The following KIF3A variants were observed in gnomAD, a reference collection of about 807,000 sequenced individuals.
KIF3A encodes kinesin family member 3A.
In KIF3A, 27 loss-of-function variants were observed where a neutral mutation model predicts 92.6. The observed-to-expected ratio is 0.29, with a 90% CI of 0.21 to 0.40. The LOEUF (loss-of-function observed/expected upper bound fraction) is 0.40, where lower values mean the gene tolerates loss of function less well. KIF3A is among the 10% of genes least tolerant of loss of function. The pLI, the probability that KIF3A is intolerant of heterozygous loss-of-function variation, is 1.00. For synonymous variants in KIF3A, 250 were observed against 275.4 expected (o/e 0.91, Z 0.92); for missense variants, 581 against 872.6 (o/e 0.67, Z 4.21).
At chr5:132,708,281 C>CA (rs58058674) in intron 10 of KIF3A, among the ~76,000 whole-genome samples, 2,068 of 65,788 alleles carry the variant, frequency 0.031, 61 homozygotes, top group African/African-American at 0.071. Context: ...GACTCCGTCT[C>CA]AAAAAAAAAA....
chr5:132,726,785 T>C (rs1467141029), intron 2 of KIF3A, among the ~76,000 whole-genome samples: 2 of 152,202 alleles, frequency 1.3e-5, no homozygotes, highest in African/African-American at 2.4e-5. Flanking sequence ...AGACATTTCT[T>C]GTCATGTGTA....
chr5:132,700,230 T>G lies in KIF3A; in HGVS notation c.1993A>C (p.Lys665Gln). The change falls in exon 17 of 19, where the codon AAA becomes CAA. Residue 665 changes from lysine to glutamine, a missense_variant. By Grantham distance (53) the Lys-to-Gln change is moderately conservative (BLOSUM62 1). Transcript: ENST00000403231. ...AGTACTCTTACATCTTTCTCCTTTTTATCAGGTACTGGGGTTTGCTTCCTC... is the reference window on the plus strand; with the variant it reads ...AGTACTCTTACATCTTTCTCCTTTTGATCAGGTACTGGGGTTTGCTTCCTC... ...NMRKQTPVPD[K>Q]KEKDPFEVDL... The G allele has an allele frequency of 6.3e-7, 1 of 1,585,430 alleles. No homozygotes were observed. Among genetic ancestry groups the G allele is most frequent in the East Asian group, 2.2e-5 (1 of 44,764 alleles).
In KIF3A at chr5:132,696,629, A is replaced by AG; in HGVS notation, c.*4_*5insC. On this transcript the variant is annotated 3_prime_UTR_variant, in exon 19 of 19. Coordinates refer to ENST00000403231, the MANE Select transcript of KIF3A (RefSeq NM_001300791.2). ...ATTTTTATTGTGACTTTAAGTCTGT[A>AG]ACATTTACTGCAGTAAAGAGTCAAT... is the stretch of plus-strand genomic sequence containing the variant. The AG allele has an allele frequency of 6.3e-7, 1 of 1,585,968 alleles. No homozygotes were observed.
intron 15 of KIF3A, 32 bp downstream of exon 15, chr5:132,702,055 C>T (rs758286966): frequency 5.1e-6 from 8 of 1,581,698 alleles, no homozygotes; most frequent in Non-Finnish European, 6.9e-6. Context: ...CCCAGTCAAG[C>T]GACTATCTCG....
chr5:132,699,017 C>T (rs544646968), intron 18 of KIF3A, among the ~76,000 whole-genome samples, 154 bp downstream of exon 18: 190 of 152,290 alleles, frequency 1.2e-3, no homozygotes, highest in Non-Finnish European at 2.3e-3. Context: ...GGATTACAGG[C>T]GTGAGCCACT....
At chr5:132,737,296 G>A (rs1754432454) in intron 1 of KIF3A, 118 bp downstream of exon 1, 1 of 1,200,504 alleles carries the variant, frequency 8.3e-7, no homozygotes, top group Admixed American at 2.8e-5. Context: ...GCACGACCGA[G>A]CCTGCCCCGC....
intron 15 of KIF3A, among the ~76,000 whole-genome samples, chr5:132,700,992 G>C (rs1333982287): frequency 6.6e-6 from 1 of 152,136 alleles, no homozygotes; most frequent in Non-Finnish European, 1.5e-5. Context: ...AAACTGGTTA[G>C]AAGTAGTTAT....
At chr5:132,718,614 G>GT (rs138772741) in intron 5 of KIF3A, among the ~76,000 whole-genome samples, 2,885 of 149,662 alleles carry the variant, frequency 0.019, 81 homozygotes, top group African/African-American at 0.062. Context: ...TCAGCTTGTT[G>GT]TTTTTTTTGT....
chr5:132,713,468 AATT>A (rs1753501782), intron 8 of KIF3A, among the ~76,000 whole-genome samples: 1 of 152,208 alleles, frequency 6.6e-6, no homozygotes, highest in African/African-American at 2.4e-5. Context: ...TAAGTTTAAA[AATT>A]ATTATTTTAA....
intron 11 of KIF3A, among the ~76,000 whole-genome samples, chr5:132,706,191 A>G (rs1581070325): frequency 6.6e-6 from 1 of 152,152 alleles, no homozygotes; most frequent in South Asian, 2.1e-4. Flanking sequence ...TGGCTTTAAG[A>G]AAAAAGGAGA....
intron 18 of KIF3A, chr5:132,697,499 A>T (rs1752878559): frequency 6.6e-6 from 1 of 152,104 alleles, no homozygotes. Flanking sequence ...AAATAATTCG[A>T]ATTTCTGGCT....
intron 10 of KIF3A, among the ~76,000 whole-genome samples, chr5:132,706,950 G>C (rs2149898291): frequency 6.6e-6 from 1 of 152,206 alleles, no homozygotes; most frequent in South Asian, 2.1e-4. Flanking sequence ...TTTAGTATAT[G>C]GATCTATTAT....
Position 132,715,864 on chromosome 5 carries a change from C to A in KIF3A, c.1022G>T (p.Arg341Leu). 6.2e-7 allele frequency: 1 copy of A among 1,609,338 alleles called. No homozygotes were observed. The highest frequency in any genetic ancestry group is 8.5e-7 in the Non-Finnish European group (1 of 1,176,418). ...AGCTTTATTTTTAATATTCTTAGCA[C>A]GATTGGCATACCGTAATGTACTGAT... ...ETISTLRYAN[R>L]AKNIKNKARI... Residue 341 changes from arginine (R) to leucine (L), a missense_variant, in exon 8 of 19, where the codon CGT (arginine) becomes CTT (leucine). Arg to Leu is a moderately radical substitution (Grantham distance 102). This residue lies in a region of KIF3A where 167 missense variants were observed against 205.8 expected (regional missense o/e 0.81). Transcript: ENST00000403231.
In KIF3A at chr5:132,702,839, A is replaced by C. The variant is rs762710701; in HGVS notation, c.1647+46T>G. Reference sequence around the variant, plus strand: ...ATTTAGCTTTCCACTAGAAAAGTTAAATCTCTCTGGCAAAATACCAAACTA... The same window carrying C: ...ATTTAGCTTTCCACTAGAAAAGTTACATCTCTCTGGCAAAATACCAAACTA... On this transcript the variant is annotated intron_variant, in intron 13 of 18. Transcript: ENST00000403231. The C allele has an allele frequency of 2.5e-6, 4 of 1,576,846 alleles. No homozygotes were observed. In the South Asian group the frequency reaches 4.6e-5, roughly 18 times the overall value.
chr5:132,700,316 T>C, intron 16 of KIF3A, 32 bp from the exon 17 acceptor site: 1 of 1,304,480 alleles, frequency 7.7e-7, no homozygotes, highest in East Asian at 2.3e-5. Context: ...GACAGAGAAA[T>C]GTCTTAATTA....
chr5:132,729,427 G>T (rs1364900762), intron 2 of KIF3A, among the ~76,000 whole-genome samples: 1 of 150,858 alleles, frequency 6.6e-6, no homozygotes, highest in Admixed American at 6.6e-5. Context: ...ACCCCAGCCT[G>T]GGTGACAGGG....
In KIF3A at chr5:132,736,559, T is replaced by C. The variant is rs73787052; in HGVS notation, c.6+855A>G. 5.5e-3 allele frequency among the ~76,000 whole-genome samples: 833 copies of C among 152,336 alleles called. 10 individuals carry two copies. Among genetic ancestry groups the C allele is most frequent in the African/African-American group, 0.019 (786 of 41,566 alleles). ...AATGTTGTATCTTCAGGGCCTAGCA[T>C]GTGGTTGGTGCCCAATATTTACTGA... On this transcript the variant is annotated intron_variant, in intron 1 of 18. Coordinates refer to ENST00000403231, the MANE Select transcript of KIF3A (RefSeq NM_001300791.2).
intron 4 of KIF3A, among the ~76,000 whole-genome samples, chr5:132,724,657 TG>T (rs1453885144): frequency 1.4e-5 from 2 of 147,806 alleles, no homozygotes; most frequent in East Asian, 4.0e-4. Flanking sequence ...GTGGGAGGAG[TG>T]GGGAGGGATA....
intron 9 of KIF3A, among the ~76,000 whole-genome samples, chr5:132,709,592 A>G (rs931230937): frequency 2.6e-5 from 4 of 152,346 alleles, no homozygotes; most frequent in African/African-American, 9.6e-5. Context: ...TTTCTATTTA[A>G]AATTTTATTT....
Sources: gnomAD v4.1 joint callset for allele counts (sites outside exome capture counted in the v4.1 genomes callset) on GRCh38, gnomAD v4.1.1 for gene constraint, gnomAD v4.1.1 regional missense constraint, MANE v1.5 for transcripts, NCBI Gene and HGNC (gene_info 2026-07-23, HGNC 2026-07-21) for gene names.